The following DOCK6 variants were observed in gnomAD, a reference collection of about 807,000 sequenced individuals.
DOCK6 encodes dedicator of cytokinesis protein 6.
DOCK6 carries 167 observed loss-of-function variants against 230.3 expected under a neutral mutation model. That is an observed-to-expected ratio of 0.73 (90% CI 0.64 to 0.82). The LOEUF (loss-of-function observed/expected upper bound fraction) is 0.82. DOCK6 is among the 40% of genes least tolerant of loss of function. The pLI is 0.00. For missense variants in DOCK6, 2,598 were observed against 2,825.8 expected, an observed-to-expected ratio of 0.92 and a Z score of 1.83; for synonymous variants, 1,148 against 1,185.0, an observed-to-expected ratio of 0.97 and a Z score of 0.64.
chr19:11,222,929 G>A lies in DOCK6; in HGVS notation c.3070-24C>T, dbSNP rs148120384. ...ACCTGCAGGAGAGGGGTGGCCATCA[G>A]TGATGTCAACATTGCTCCGCCTTCC... On this transcript the variant is annotated intron_variant, in intron 25 of 47. Transcript: ENST00000294618. This position sits in a 1 kb window ranked among gnomAD's most constrained non-coding sequence, Gnocchi z 4.0. 266 of 1,612,514 alleles carry A rather than the reference G, an allele frequency of 1.6e-4. No individual in the cohort carries two copies. In the African/African-American group the frequency reaches 3.0e-3, roughly 18 times the overall value.
chr19:11,222,854 G>A lies in DOCK6; in HGVS notation c.3121C>T (p.Arg1041Cys), dbSNP rs140577378. ...CACAGGATGCGGGTGAATTCCATGC[G>A]CAGGGTCAGCAGGGCTGCTGGATTA... ...SPNPAALLTL[R>C]MEFTRILCSH... is the part of the protein sequence containing the mutation. Residue 1041 changes from arginine to cysteine, a missense_variant, in exon 26 of 48, where the codon CGC becomes TGC. Coordinates refer to ENST00000294618, the MANE Select transcript of DOCK6 (RefSeq NM_020812.4). This position sits in a 1 kb window ranked among gnomAD's most constrained non-coding sequence, Gnocchi z 4.0. 14 of 1,603,352 alleles carry A rather than the reference G, an allele frequency of 8.7e-6. No homozygotes were observed. The highest frequency in any genetic ancestry group is 6.9e-5 in the Admixed American group (4 of 57,800).
At chr19:11,213,903 C>T (rs1158660096) in intron 34 of DOCK6, among the ~76,000 whole-genome samples, 1 of 150,310 alleles carries the variant, frequency 6.7e-6, no homozygotes, top group Non-Finnish European at 1.5e-5. Context: ...CTCAAGTGAT[C>T]CTCAGCCTTC....
At chr19:11,216,012 C>G (rs2147762484) in intron 30 of DOCK6, 85 bp from the exon 31 acceptor site, 1 of 1,552,796 alleles carries the variant, frequency 6.4e-7, no homozygotes, top group East Asian at 2.3e-5. Flanking sequence ...TCTTTGTGCT[C>G]TTTCTCACCT....
At chr19:11,212,548 C>A (rs1184175094) in intron 35 of DOCK6, among the ~76,000 whole-genome samples, 9 of 135,152 alleles carry the variant, frequency 6.7e-5, no homozygotes, top group Non-Finnish European at 1.1e-4. Flanking sequence ...AGCATTTTTT[C>A]TTTTCTTTCT....
Position 11,222,093 on chromosome 19 carries a change from C to G in DOCK6, c.3380+16G>C, listed in dbSNP as rs2079589435. ...CTGTCCCACCTGTCCTGGGGCTAGA[C>G]AGGAGCTCTGCTCACCCTTCAGCCT... On this transcript the variant is annotated intron_variant, in intron 27 of 47. Coordinates refer to ENST00000294618, the MANE Select transcript of DOCK6 (RefSeq NM_020812.4). The surrounding 1 kb of genome is among the most constrained non-coding windows in gnomAD (Gnocchi z 4.0). 6.2e-7 allele frequency: 1 copy of G among 1,611,336 alleles called. No individual in the cohort carries two copies. The highest frequency in any genetic ancestry group is 1.3e-5 in the African/African-American group (1 of 75,014).
intron 39 of DOCK6, among the ~76,000 whole-genome samples, chr19:11,205,204 G>GT (rs147860408): frequency 1.3e-5 from 2 of 151,980 alleles, no homozygotes; most frequent in East Asian, 1.9e-4. Flanking sequence ...TGTGTGTATG[G>GT]TTTTTTTTCG....
At chr19:11,217,169 T>C in intron 29 of DOCK6, 62 bp downstream of exon 29, 1 of 1,598,842 alleles carries the variant, frequency 6.3e-7, no homozygotes, top group Middle Eastern at 1.7e-4. Context: ...ATCTGTATCT[T>C]GATACATGAC....
rs200341762 is a variant in DOCK6 at position 11,201,204 on chromosome 19, T to TG, written c.5689-153dup. On this transcript the variant is annotated intron_variant, in intron 44 of 47. Transcript: ENST00000294618. This position sits in a 1 kb window ranked among gnomAD's most constrained non-coding sequence, Gnocchi z 4.3. ...CTGGGGGCCTTCCTGGGTCTGACTC[T>TG]GGGGGGGTCCAGCCTTGGGTCTGCT... Among the ~76,000 whole-genome samples the TG allele has an allele frequency of 8.9e-3, 1,358 of 151,844 alleles. 22 individuals carry two copies. Among genetic ancestry groups the TG allele is most frequent in the African/African-American group, 0.031 (1,277 of 41,408 alleles).
At position 11,255,919 on chromosome 19, in the gene DOCK6, T is replaced by C. The variant is rs1010947860; in HGVS notation, c.45-2193A>G. Reference sequence around the variant, plus strand: ...CTCCTGCCTCAGCCTCCTGAGTAGCTGGGACTACAGGCGCCCACCACTACG... The same window carrying C: ...CTCCTGCCTCAGCCTCCTGAGTAGCCGGGACTACAGGCGCCCACCACTACG... On this transcript the variant is annotated intron_variant, in intron 1 of 47. Coordinates refer to ENST00000294618, the MANE Select transcript of DOCK6 (RefSeq NM_020812.4). 3.0e-4 allele frequency among the ~76,000 whole-genome samples: 46 copies of C among 152,162 alleles called. 1 individual carries two copies. Among genetic ancestry groups the C allele is most frequent in the Non-Finnish European group, 5.9e-5 (4 of 68,042 alleles).
At chr19:11,258,521 G>C (rs1322252190) in intron 1 of DOCK6, among the ~76,000 whole-genome samples, 5 of 150,210 alleles carry the variant, frequency 3.3e-5, no homozygotes, top group East Asian at 3.9e-4. Context: ...CAACCTCCAC[G>C]GCCCGGGTTC....
chr19:11,211,992 C>A lies in DOCK6; in HGVS notation c.4650+1G>T, dbSNP rs2147744362. 6.2e-7 allele frequency: 1 copy of A among 1,600,102 alleles called. No homozygotes were observed. Among genetic ancestry groups the A allele is most frequent in the East Asian group, 2.3e-5 (1 of 44,362 alleles). The stretch of plus-strand genomic sequence containing the variant: ...CGGGGCGGGGACCCAGCAGGTGTCA[C>A]CTGCTCTGCGAAGGTGCTGTCCCGC... On this transcript the variant is annotated splice_donor_variant, in intron 36 of 47. Transcript: ENST00000294618. LOFTEE classifies it high-confidence loss of function.
At position 11,213,206 on chromosome 19, in the gene DOCK6, C is replaced by G; in HGVS notation, c.4461G>C (p.Leu1487=). 1 of 1,613,018 alleles carries G rather than the reference C, an allele frequency of 6.2e-7. No individual in the cohort carries two copies. Among genetic ancestry groups the G allele is most frequent in the Non-Finnish European group, 8.5e-7 (1 of 1,179,712 alleles). ...CGATCTCGAAGTTCTGTCGCATGAG[C>G]AGGTACAGCGAGGCGCTGGCGTGCG... ...IRTHASASLY[L]LMRQNFEIGH... The change falls in exon 35 of 48, where the codon CTG becomes CTC. Residue 1487 remains leucine (L), a synonymous_variant. Coordinates refer to ENST00000294618, the MANE Select transcript of DOCK6 (RefSeq NM_020812.4).
chr19:11,261,595 G>C (rs1289720803), intron 1 of DOCK6, among the ~76,000 whole-genome samples: 2 of 152,172 alleles, frequency 1.3e-5, no homozygotes, highest in Non-Finnish European at 2.9e-5. Flanking sequence ...CCAACTGGGG[G>C]CGAGGCTTTT....
chr19:11,255,177 G>T (rs149103291), intron 1 of DOCK6, among the ~76,000 whole-genome samples: 1 of 151,964 alleles, frequency 6.6e-6, no homozygotes, highest in African/African-American at 2.4e-5. Context: ...CTAATTTTTC[G>T]TATTTTTAGC....
At chr19:11,209,736 C>G (rs2079334800) in intron 37 of DOCK6, among the ~76,000 whole-genome samples, 1 of 86,810 alleles carries the variant, frequency 1.2e-5, no homozygotes, top group African/African-American at 3.8e-5. Context: ...ATCCCCTCAC[C>G]TGTCCACCCC....
intron 39 of DOCK6, among the ~76,000 whole-genome samples, chr19:11,206,740 G>A (rs1042688153): frequency 6.6e-5 from 10 of 152,006 alleles, no homozygotes; most frequent in Admixed American, 3.9e-4. Flanking sequence ...ACTTGGCCAC[G>A]CGGGATAAAA....
rs760709941 is a variant in DOCK6, at chr19:11,227,493, G to GAGGGCTGTGGGTGGGATTTGA, written c.2815-37_2815-17dup. ...TACTCTTCACCTGGGGGTGGGGTGA[G>GAGGGCTGTGGGTGGGATTTGA]AGGGCTGTGGGTGGGATTTGAAGGG... On this transcript the variant is annotated splice_polypyrimidine_tract_variant and intron_variant, in intron 23 of 47. Coordinates refer to ENST00000294618, the MANE Select transcript of DOCK6 (RefSeq NM_020812.4). 3.0e-4 allele frequency: 459 copies of GAGGGCTGTGGGTGGGATTTGA among 1,536,276 alleles called. 3 individuals carry two copies. In the African/African-American group the frequency reaches 5.3e-3, roughly 18 times the overall value.
rs1029696785 is a variant in DOCK6, at chr19:11,223,774, G to A, written c.2956-668C>T. Among the ~76,000 whole-genome samples, 5 of 152,174 alleles carry A rather than the reference G, an allele frequency of 3.3e-5. No homozygotes were observed. In the East Asian group the frequency reaches 9.7e-4, roughly 29 times the overall value. On this transcript the variant is annotated intron_variant, in intron 24 of 47. Coordinates refer to ENST00000294618, the MANE Select transcript of DOCK6 (RefSeq NM_020812.4). The stretch of plus-strand genomic sequence containing the variant: ...CGATTCTTCTGCCTCAGCTTCCCCA[G>A]TAGCTTGGATTACAGACACCCACCA...
chr19:11,238,099 G>T lies in DOCK6; in HGVS notation c.1778C>A (p.Ser593Tyr). 6.2e-7 allele frequency: 1 copy of T among 1,613,934 alleles called. No individual in the cohort carries two copies. The highest frequency in any genetic ancestry group is 8.5e-7 in the Non-Finnish European group (1 of 1,179,882). The change falls in exon 16 of 48, where the codon TCC becomes TAC. Residue 593 changes from serine to tyrosine, a missense_variant. By Grantham distance (144) the Ser-to-Tyr change is moderately radical (BLOSUM62 -2). Coordinates refer to ENST00000294618, the MANE Select transcript of DOCK6 (RefSeq NM_020812.4). ...CTCGCGGGTAAATTCACTGCAGCTG[G>T]ACTTGCCAAAGATGACCTGGGAGAG... ...SQALPVIFGK[S>Y]SCSEFTREAF...
Sources: allele counts gnomAD v4.1 joint callset (sites outside exome capture counted in the v4.1 genomes callset), GRCh38; gene constraint gnomAD v4.1.1; non-coding constraint Gnocchi (gnomAD v3.1); transcripts MANE v1.5; gene names NCBI Gene and HGNC (gene_info 2026-07-23, HGNC 2026-07-21).